Variants in SGCZ observed in about 807,000 individuals in gnomAD.
The protein encoded by SGCZ is zeta-sarcoglycan.
A neutral mutation model predicts 41.3 loss-of-function variants in SGCZ; 40 were observed. That is an observed-to-expected ratio of 0.97 (90% CI 0.75 to 1.26). The LOEUF is 1.26. Ranked by LOEUF, SGCZ falls within the 50% of genes most tolerant of loss-of-function variation. SGCZ has a pLI of 0.00. For synonymous variants in SGCZ, 206 were observed against 137.5 expected (o/e 1.50, Z -3.49); for missense variants, 552 against 369.8 (o/e 1.49, Z -4.04).
At chr8:14,634,249 T>A (rs146594122) in intron 1 of SGCZ, among the ~76,000 whole-genome samples, 1 of 152,022 alleles carries the variant, frequency 6.6e-6, no homozygotes. Flanking sequence ...GTCCATAGTA[T>A]CAAACTAAAT....
intron 3 of SGCZ, among the ~76,000 whole-genome samples, chr8:14,299,122 T>C (rs1044558257): frequency 3.9e-5 from 6 of 151,932 alleles, no homozygotes; most frequent in African/African-American, 1.4e-4. Flanking sequence ...TGGAGTTGAG[T>C]ATGGAAAAAG....
intron 1 of SGCZ, among the ~76,000 whole-genome samples, chr8:15,024,231 T>G (rs530627286): frequency 9.3e-4 from 141 of 152,276 alleles, no homozygotes; most frequent in African/African-American, 3.3e-3. Flanking sequence ...TCATGGTGCT[T>G]TTGATGTTGC....
intron 2 of SGCZ, among the ~76,000 whole-genome samples, chr8:14,443,899 T>C (rs1346425992): frequency 2.0e-5 from 3 of 152,234 alleles, no homozygotes; most frequent in East Asian, 3.9e-4. Flanking sequence ...AGAAAATTTT[T>C]GCAACCTACT....
At chr8:14,139,936 A>G (rs1442078639) in intron 5 of SGCZ, among the ~76,000 whole-genome samples, 1 of 152,208 alleles carries the variant, frequency 6.6e-6, no homozygotes, top group South Asian at 2.1e-4. Flanking sequence ...AAAATCCTCA[A>G]TAAAATACTG....
intron 1 of SGCZ, among the ~76,000 whole-genome samples, chr8:14,914,247 G>C (rs1309293064): frequency 6.6e-6 from 1 of 151,204 alleles, no homozygotes; most frequent in Non-Finnish European, 1.5e-5. Context: ...TATATAGAGA[G>C]TGTGTAATGT....
At chr8:14,803,245 C>T (rs925088445) in intron 1 of SGCZ, among the ~76,000 whole-genome samples, 1 of 152,014 alleles carries the variant, frequency 6.6e-6, no homozygotes, top group Non-Finnish European at 1.5e-5. Flanking sequence ...CGAATAGGAA[C>T]AGCTCCTGTC....
chr8:14,683,689 CAAGTGT>C (rs1279813859), intron 1 of SGCZ, among the ~76,000 whole-genome samples: 2 of 152,116 alleles, frequency 1.3e-5, no homozygotes, highest in African/African-American at 4.8e-5. Context: ...TAACATAGTA[CAAGTGT>C]ATAATTCTTC....
intron 1 of SGCZ, among the ~76,000 whole-genome samples, chr8:14,609,698 T>A (rs552551110): frequency 2.6e-5 from 4 of 152,284 alleles, no homozygotes; most frequent in African/African-American, 9.6e-5. Flanking sequence ...GTCCTCTGGG[T>A]ACCCAGAACT....
At chr8:14,561,158 G>A (rs1804197122) in intron 1 of SGCZ, among the ~76,000 whole-genome samples, 1 of 152,100 alleles carries the variant, frequency 6.6e-6, no homozygotes, top group African/African-American at 2.4e-5. Flanking sequence ...AAGTGATTAT[G>A]CAAACTATCC....
At chr8:14,683,759 T>C (rs967456791) in intron 1 of SGCZ, among the ~76,000 whole-genome samples, 2 of 152,120 alleles carry the variant, frequency 1.3e-5, no homozygotes, top group African/African-American at 4.8e-5. Flanking sequence ...TCAAAAAATA[T>C]TGCCATCATT....
intron 1 of SGCZ, among the ~76,000 whole-genome samples, chr8:14,784,055 T>C (rs1435906889): frequency 4.8e-5 from 1 of 20,636 alleles, no homozygotes; most frequent in African/African-American, 1.5e-4. Flanking sequence ...AATTTAATGT[T>C]TTTTTTTTTT....
intron 1 of SGCZ, among the ~76,000 whole-genome samples, chr8:14,703,346 T>A (rs1375999242): frequency 6.6e-6 from 1 of 151,954 alleles, no homozygotes; most frequent in Non-Finnish European, 1.5e-5. Context: ...AGGGTGTGTG[T>A]TCCCTTCTTT....
chr8:14,202,144 G>C (rs1188884847), intron 4 of SGCZ, among the ~76,000 whole-genome samples: 4 of 152,226 alleles, frequency 2.6e-5, no homozygotes, highest in Non-Finnish European at 5.9e-5. Context: ...AGAGTCCTTA[G>C]GATTTGAAGA....
chr8:14,421,231 G>A (rs977267393), intron 2 of SGCZ, among the ~76,000 whole-genome samples: 1 of 151,886 alleles, frequency 6.6e-6, no homozygotes, highest in Non-Finnish European at 1.5e-5. Context: ...TTGATCTCAT[G>A]TTTTCTTTCC....
chr8:14,163,841 T>A (rs1391433650), intron 5 of SGCZ, among the ~76,000 whole-genome samples: 3 of 152,178 alleles, frequency 2.0e-5, no homozygotes, highest in Non-Finnish European at 4.4e-5. Flanking sequence ...AAACATGAAG[T>A]CAAATATACT....
At chr8:14,568,538 A>AT (rs576110166) in intron 1 of SGCZ, among the ~76,000 whole-genome samples, 26 of 149,046 alleles carry the variant, frequency 1.7e-4, no homozygotes, top group South Asian at 6.4e-4. Context: ...TTGCTTTATG[A>AT]TTTTTTTTGT....
intron 1 of SGCZ, among the ~76,000 whole-genome samples, chr8:14,992,973 A>T (rs752667918): frequency 6.8e-6 from 1 of 146,844 alleles, no homozygotes; most frequent in East Asian, 2.1e-4. Context: ...TCCTCCTTCA[A>T]TCTACCCCCA....
intron 2 of SGCZ, among the ~76,000 whole-genome samples, chr8:14,362,342 C>A (rs374368433): frequency 6.6e-6 from 1 of 152,212 alleles, no homozygotes; most frequent in Admixed American, 6.5e-5. Flanking sequence ...CCAGTTCGAG[C>A]TTTCCTGCTG....
intron 4 of SGCZ, among the ~76,000 whole-genome samples, chr8:14,219,428 C>T (rs1230358828): frequency 6.6e-6 from 1 of 152,160 alleles, no homozygotes; most frequent in Non-Finnish European, 1.5e-5. Flanking sequence ...CAATGCCCGA[C>T]TGCACGTTGG....
Sources: gnomAD v4.1 joint callset for allele counts (sites outside exome capture counted in the v4.1 genomes callset) on GRCh38, gnomAD v4.1.1 for gene constraint, MANE v1.5 for transcripts, NCBI Gene and HGNC (gene_info 2026-07-23, HGNC 2026-07-21) for gene names.